The following ITSN1 variants were observed in gnomAD, a reference collection of about 807,000 sequenced individuals.
ITSN1 encodes the protein intersectin 1, also known as intersectin-1.
Under a neutral mutation model 239.8 loss-of-function variants are expected in ITSN1, and 58 were observed. The observed-to-expected ratio is 0.24, with a 90% confidence interval of 0.20 to 0.30. The LOEUF (loss-of-function observed/expected upper bound fraction) is 0.30. Among genes scored for constraint, ITSN1 ranks in the 10% least tolerant of loss-of-function variants. The pLI is 1.00. For missense variants in ITSN1, 1,558 were observed against 2,103.3 expected (o/e 0.74, Z 5.07); for synonymous variants, 780 against 770.8 (o/e 1.01, Z -0.20).
At chr21:33,727,607 C>CAA (rs201596116) in intron 4 of ITSN1, among the ~76,000 whole-genome samples, 2,108 of 69,712 alleles carry the variant, frequency 0.03, 52 homozygotes, top group African/African-American at 0.089. Context: ...TAAACTCATA[C>CAA]AAAAAAAAAA....
Position 33,782,066 on chromosome 21 carries a change from T to A in ITSN1, c.1757T>A (p.Leu586Gln). The change falls in exon 16 of 40, where the codon CTG (leucine) becomes CAG (glutamine). Residue 586 changes from leucine (L) to glutamine (Q), a missense_variant. Around this residue, in one of 2 missense-constraint regions of ITSN1, gnomAD observed 982 missense variants for 1,209.9 expected, o/e 0.81. Transcript: ENST00000381318. ...ELARQHLRDQ[L>Q]DEVEKETRSK... ...GCTCGGCAGCACCTACGAGACCAACTGGATGAAGTGGAGAAAGAAACTAGA... is the reference window on the plus strand; with the variant it reads ...GCTCGGCAGCACCTACGAGACCAACAGGATGAAGTGGAGAAAGAAACTAGA... The A allele has an allele frequency of 6.2e-7, 1 of 1,613,784 alleles. No individual in the cohort carries two copies. Among genetic ancestry groups the A allele is most frequent in the Non-Finnish European group, 8.5e-7 (1 of 1,179,710 alleles).
intron 4 of ITSN1, 142 bp from the exon 5 acceptor site, chr21:33,734,902 T>A (rs532440191): frequency 5.1e-5 from 29 of 573,144 alleles, no homozygotes; most frequent in Non-Finnish European, 7.8e-5. Context: ...TTCCCCATAG[T>A]TTGGTAAACA....
intron 5 of ITSN1, among the ~76,000 whole-genome samples, chr21:33,740,938 A>C (rs1334095168): frequency 6.6e-6 from 1 of 152,226 alleles, no homozygotes; most frequent in East Asian, 1.9e-4. Context: ...TAGATAGCTA[A>C]TAAATTTTTC....
intron 29 of ITSN1, among the ~76,000 whole-genome samples, chr21:33,845,937 C>T (rs116309166): frequency 6.6e-6 from 1 of 152,282 alleles, no homozygotes; most frequent in African/African-American, 2.4e-5. Flanking sequence ...CATCGTGGGC[C>T]CACGTCAGCA....
intron 21 of ITSN1, among the ~76,000 whole-genome samples, chr21:33,812,944 A>G (rs2073010526): frequency 6.6e-6 from 1 of 152,040 alleles, no homozygotes; most frequent in South Asian, 2.1e-4. Flanking sequence ...GGTCTGAGAA[A>G]TGGTGTTGAG....
chr21:33,870,099 A>G (rs114562384), intron 33 of ITSN1, among the ~76,000 whole-genome samples: 1,582 of 152,042 alleles, frequency 0.01, 34 homozygotes, highest in African/African-American at 0.036. Context: ...TCTCCCTCCC[A>G]CATAAGCCAT....
At chr21:33,783,766 A>C (rs941126106) in intron 16 of ITSN1, among the ~76,000 whole-genome samples, 1 of 151,790 alleles carries the variant, frequency 6.6e-6, no homozygotes, top group Non-Finnish European at 1.5e-5. Flanking sequence ...TAAACTGTTA[A>C]ATATTAAGCT....
chr21:33,651,876 A>C (rs561869497), intron 1 of ITSN1, among the ~76,000 whole-genome samples: 29 of 152,330 alleles, frequency 1.9e-4, no homozygotes, highest in African/African-American at 5.8e-4. Flanking sequence ...ATTAGTTTTA[A>C]ACCACAGTCA....
At chr21:33,802,084 T>G (rs2072043871) in intron 19 of ITSN1, among the ~76,000 whole-genome samples, 1 of 152,272 alleles carries the variant, frequency 6.6e-6, no homozygotes, top group Non-Finnish European at 1.5e-5. Flanking sequence ...ACAATTTTTT[T>G]TTTAATGTTA....
intron 5 of ITSN1, 68 bp downstream of exon 5, chr21:33,735,272 T>C: frequency 2.0e-6 from 3 of 1,492,556 alleles, no homozygotes; most frequent in Non-Finnish European, 2.8e-6. Flanking sequence ...TTTCCTTTTT[T>C]TCCCTCTCGG....
chr21:33,797,066 G>T lies in ITSN1; in HGVS notation c.1953-313G>T, dbSNP rs921991926. Among the ~76,000 whole-genome samples, 2 of 152,126 alleles carry T rather than the reference G, an allele frequency of 1.3e-5. No homozygotes were observed. The highest frequency in any genetic ancestry group is 4.8e-5 in the African/African-American group (2 of 41,424). On this transcript the variant is annotated intron_variant, in intron 17 of 39. Transcript: ENST00000381318. The surrounding 1 kb of genome is among the most constrained non-coding windows in gnomAD (Gnocchi z 4.9). ...TTGGGTGTATTTTATTTTTATAGAA[G>T]TTATGTTCTCTGTGTTTTATGGCTT...
chr21:33,810,864 T>C lies in ITSN1; in HGVS notation c.2320-111T>C, dbSNP rs778526632. 7 of 1,185,100 alleles carry C rather than the reference T, an allele frequency of 5.9e-6. No individual in the cohort carries two copies. In the Admixed American group the frequency reaches 8.4e-5, roughly 14 times the overall value. The allele number at this position is 1,185,100 out of a possible 1,614,324, so 73.4% of individuals were successfully genotyped here. The stretch of plus-strand genomic sequence containing the variant: ...TTGGACTAAGATGAAGAGATTCCTA[T>C]GCCATATGTCAATCTAAAGAGGGCA... On this transcript the variant is annotated intron_variant, in intron 20 of 39. Coordinates refer to ENST00000381318, the MANE Select transcript of ITSN1 (RefSeq NM_003024.3).
rs376476760 is a variant in ITSN1, at chr21:33,725,179, A to C, written c.185+2528A>C. On this transcript the variant is annotated intron_variant, in intron 4 of 39. Coordinates refer to ENST00000381318, the MANE Select transcript of ITSN1 (RefSeq NM_003024.3). ...AGATGGAGTTTTGCCCTTGTTGTCC[A>C]GGCTGGATTGCAATGGCACGATCTT... 1.2e-4 allele frequency among the ~76,000 whole-genome samples: 14 copies of C among 116,708 alleles called. No individual in the cohort carries two copies. In the South Asian group the frequency reaches 4.0e-3, roughly 33 times the overall value. 76.6% of individuals were successfully genotyped at this position (116,708 alleles called of 152,430 possible). A position where few individuals can be genotyped will look rare whatever the true frequency, so the allele number is the denominator to read the frequency against.
At chr21:33,813,605 G>A (rs1449495646) in intron 21 of ITSN1, among the ~76,000 whole-genome samples, 4 of 151,882 alleles carry the variant, frequency 2.6e-5, no homozygotes, top group Non-Finnish European at 4.4e-5. Context: ...CAGCCACCTC[G>A]GCCTCCCACA....
intron 20 of ITSN1, 83 bp from the exon 21 acceptor site, chr21:33,810,892 G>A: frequency 2.7e-6 from 4 of 1,487,504 alleles, no homozygotes; most frequent in Middle Eastern, 1.7e-4. Context: ...AGAGGGCAGA[G>A]GCTTGGGACT....
In ITSN1 at chr21:33,834,226, C is replaced by T. The variant is rs28401168; in HGVS notation, c.3352-81C>T. The T allele has an allele frequency of 1.7e-3, 1,600 of 960,684 alleles. 14 individuals carry two copies. The African/African-American group carries it at 0.023, about 14-fold the overall frequency. 59.5% of individuals were successfully genotyped at this position (960,684 alleles called of 1,614,324 possible). A position where few individuals can be genotyped will look rare whatever the true frequency, so the allele number is the denominator to read the frequency against. On this transcript the variant is annotated intron_variant, in intron 27 of 39. Coordinates refer to ENST00000381318, the MANE Select transcript of ITSN1 (RefSeq NM_003024.3). ...GTTTTTCAGTTATATGTAAGCTTTA[C>T]ATAAGTGCTCTGTTATAAAGTGAGC...
chr21:33,818,331 A>G lies in ITSN1; in HGVS notation c.2792A>G (p.His931Arg), dbSNP rs1441912954. The change falls in exon 23 of 40, where the codon CAC becomes CGC. Residue 931 changes from histidine (H) to arginine (R), a missense_variant. Coordinates refer to ENST00000381318, the MANE Select transcript of ITSN1 (RefSeq NM_003024.3). ...LYPWRAKKDN[H>R]LNFNKNDVIT... is the part of the protein sequence containing the mutation. ...CCTTGGAGAGCCAAAAAAGACAACC[A>G]CTTAAATTTTAACAAAAATGATGTC... is the stretch of plus-strand genomic sequence containing the variant. 1.9e-6 allele frequency: 3 copies of G among 1,614,088 alleles called. No homozygotes were observed. Among genetic ancestry groups the G allele is most frequent in the Admixed American group, 3.3e-5 (2 of 60,008 alleles).
intron 1 of ITSN1, among the ~76,000 whole-genome samples, chr21:33,644,117 G>A (rs944348059): frequency 6.6e-6 from 1 of 152,222 alleles, no homozygotes; most frequent in Non-Finnish European, 1.5e-5. Context: ...GAGTGCAGAA[G>A]CTTAAACATC....
chr21:33,684,626 T>C (rs2091146032), intron 1 of ITSN1, among the ~76,000 whole-genome samples: 1 of 152,072 alleles, frequency 6.6e-6, no homozygotes, highest in South Asian at 2.1e-4. Context: ...GGGTCTCTTA[T>C]TAGGATGAGG....
Sources: allele counts gnomAD v4.1 joint callset (sites outside exome capture counted in the v4.1 genomes callset), GRCh38; gene constraint gnomAD v4.1.1; regional missense constraint gnomAD v4.1.1; non-coding constraint Gnocchi (gnomAD v3.1); transcripts MANE v1.5; gene names NCBI Gene and HGNC (gene_info 2026-07-23, HGNC 2026-07-21).